CLMN: variants seen among roughly 807,000 people sequenced by gnomAD.
CLMN encodes calmin.
A neutral mutation model predicts 92.7 loss-of-function variants in CLMN; 57 were observed. The ratio of observed to expected loss-of-function variants is 0.61; its 90% CI spans 0.50 to 0.77. CLMN has a LOEUF of 0.77. Among genes scored for constraint, CLMN ranks in the 30% least tolerant of loss-of-function variants. The pLI is 0.00. For missense variants in CLMN, 1,158 were observed against 1,237.5 expected (o/e 0.94, Z 0.96); for synonymous variants, 466 against 470.6 (o/e 0.99, Z 0.13).
chr14:95,261,948 G>A (rs2140702845), intron 1 of CLMN, among the ~76,000 whole-genome samples: 1 of 152,348 alleles, frequency 6.6e-6, no homozygotes, highest in Non-Finnish European at 1.5e-5. Flanking sequence ...CCAGATGCCT[G>A]TCCTGGAAAT....
rs140238420 is a variant in CLMN at position 95,308,087 on chromosome 14, A to C, written c.82+11624T>G. 2.3e-3 allele frequency among the ~76,000 whole-genome samples: 355 copies of C among 152,368 alleles called. 1 individual carries two copies. Among genetic ancestry groups the C allele is most frequent in the Middle Eastern group, 0.014 (4 of 294 alleles). ...ATGGCTGCCTCTGCTCACTTCTGCCATCATTCAAGGTTATGAGAATTTCAT... is the reference window on the plus strand; with the variant it reads ...ATGGCTGCCTCTGCTCACTTCTGCCCTCATTCAAGGTTATGAGAATTTCAT... On this transcript the variant is annotated intron_variant, in intron 1 of 12. Coordinates refer to ENST00000298912, the MANE Select transcript of CLMN (RefSeq NM_024734.4).
rs137990452 is a variant in CLMN at position 95,290,772 on chromosome 14, A to G, written c.82+28939T>C. Among the ~76,000 whole-genome samples the G allele has an allele frequency of 2.2e-3, 338 of 152,128 alleles. 1 individual carries two copies. The highest frequency in any genetic ancestry group is 0.011 in the South Asian group (55 of 4,804). On this transcript the variant is annotated intron_variant, in intron 1 of 12. Coordinates refer to ENST00000298912, the MANE Select transcript of CLMN (RefSeq NM_024734.4). ...TACAGCAGCCCTAGGAAACCCACGGACCTCCTTATGGTGCTTTCAGCTCCC... is the reference window on the plus strand; with the variant it reads ...TACAGCAGCCCTAGGAAACCCACGGGCCTCCTTATGGTGCTTTCAGCTCCC...
In CLMN at chr14:95,256,807, G is replaced by C. The variant is rs1011102858; in HGVS notation, c.83-26674C>G. Among the ~76,000 whole-genome samples the C allele has an allele frequency of 6.6e-6, 1 of 152,226 alleles. No individual in the cohort carries two copies. Among genetic ancestry groups the C allele is most frequent in the African/African-American group, 2.4e-5 (1 of 41,468 alleles). On this transcript the variant is annotated intron_variant, in intron 1 of 12. Coordinates refer to ENST00000298912, the MANE Select transcript of CLMN (RefSeq NM_024734.4). The surrounding 1 kb of genome is among the most constrained non-coding windows in gnomAD (Gnocchi z 4.9). ...GGGGAAACTGGGGATGGCAGGAGAAGAGCTGTCAGTGGACAGGGCCACTAA... is the reference window on the plus strand; with the variant it reads ...GGGGAAACTGGGGATGGCAGGAGAACAGCTGTCAGTGGACAGGGCCACTAA...
At chr14:95,278,161 A>C (rs191665098) in intron 1 of CLMN, among the ~76,000 whole-genome samples, 2 of 152,100 alleles carry the variant, frequency 1.3e-5, no homozygotes, top group East Asian at 3.9e-4. Context: ...ACCCATAGTT[A>C]AGTCATAACC....
chr14:95,214,814 C>T lies in CLMN; in HGVS notation c.417+827G>A, dbSNP rs61662092. On this transcript the variant is annotated intron_variant, in intron 5 of 12. Transcript: ENST00000298912. ...CCAGACCTTGTTTGTGCTCATGCTT[C>T]TCTGAAATGCAGGCATTGCGCCAAA... Among the ~76,000 whole-genome samples, 1,280 of 152,040 alleles carry T rather than the reference C, an allele frequency of 8.4e-3. 22 individuals carry two copies. The highest frequency in any genetic ancestry group is 0.029 in the African/African-American group (1,202 of 41,446).
In CLMN at chr14:95,268,816, T is replaced by C. The variant is rs1341963207; in HGVS notation, c.83-38683A>G. On this transcript the variant is annotated intron_variant, in intron 1 of 12. Transcript: ENST00000298912. ...TCTCTTTTTTTTTTTTTTTTTTTTT[T>C]TTTTTTAGACAGAGTCTCACTCTGT... Among the ~76,000 whole-genome samples, 952 of 143,010 alleles carry C rather than the reference T, an allele frequency of 6.7e-3. 13 individuals carry two copies. The highest frequency in any genetic ancestry group is 0.024 in the African/African-American group (906 of 38,008). 93.8% of individuals were successfully genotyped at this position (143,010 alleles called of 152,430 possible). A position where few individuals can be genotyped will look rare whatever the true frequency, so the allele number is the denominator to read the frequency against.
Position 95,190,556 on chromosome 14 carries a change from G to A in CLMN, c.*1008C>T, listed in dbSNP as rs1439058112. 1 of 152,626 alleles carries A rather than the reference G, an allele frequency of 6.6e-6. No homozygotes were observed. The highest frequency in any genetic ancestry group is 1.5e-5 in the Non-Finnish European group (1 of 68,350). 9.5% of individuals were successfully genotyped at this position (152,626 alleles called of 1,614,324 possible). A position where few individuals can be genotyped will look rare whatever the true frequency, so the allele number is the denominator to read the frequency against. ...GGGGCTGAGGAAGACTGGGGGCAGGGGTGCTAGAGATGCCTCTCTTCTTTC... is the reference window on the plus strand; with the variant it reads ...GGGGCTGAGGAAGACTGGGGGCAGGAGTGCTAGAGATGCCTCTCTTCTTTC... On this transcript the variant is annotated 3_prime_UTR_variant, in exon 13 of 13. Coordinates refer to ENST00000298912, the MANE Select transcript of CLMN (RefSeq NM_024734.4).
intron 1 of CLMN, among the ~76,000 whole-genome samples, chr14:95,242,180 C>A (rs1166751888): frequency 6.6e-6 from 1 of 150,972 alleles, no homozygotes; most frequent in East Asian, 1.9e-4. Flanking sequence ...GTGCCTGGGT[C>A]CCATTCTAGA....
At chr14:95,266,357 G>C (rs1233990098) in intron 1 of CLMN, among the ~76,000 whole-genome samples, 1 of 152,140 alleles carries the variant, frequency 6.6e-6, no homozygotes, top group Admixed American at 6.5e-5. Context: ...CAGTAAAGTT[G>C]TAGAATACAA....
At chr14:95,211,660 A>C (rs539223906) in intron 6 of CLMN, among the ~76,000 whole-genome samples, 13 of 149,760 alleles carry the variant, frequency 8.7e-5, no homozygotes, top group Admixed American at 3.4e-4. Flanking sequence ...AAAAAAAAAA[A>C]AAAAAACCAA....
chr14:95,195,464 T>G (rs1446848494), intron 10 of CLMN, among the ~76,000 whole-genome samples: 1 of 152,028 alleles, frequency 6.6e-6, no homozygotes, highest in Non-Finnish European at 1.5e-5. Flanking sequence ...CAGAGGGAGG[T>G]GGAAAGCCAG....
At chr14:95,215,813 CTCTGTGTGTGTGTGTGTGTGTGTG>C in intron 4 of CLMN, 80 bp from the exon 5 acceptor site, 8 of 850,942 alleles carry the variant, frequency 9.4e-6, no homozygotes, top group East Asian at 5.8e-5. Context: ...CTCTCTCTCT[CTCTGTGTGTGTGTGTGTGTGTGTG>C]TGTGTGTGTG....
chr14:95,196,408 T>G, intron 10 of CLMN, 90 bp downstream of exon 10: 1 of 1,290,098 alleles, frequency 7.8e-7, no homozygotes. Flanking sequence ...ATCCCATGCC[T>G]GCACCTCCCA....
chr14:95,235,563 G>A (rs1292163297), intron 1 of CLMN, among the ~76,000 whole-genome samples: 6 of 152,164 alleles, frequency 3.9e-5, no homozygotes, highest in African/African-American at 1.4e-4. Flanking sequence ...AATGACTCGT[G>A]GGCACTGGGC....
At chr14:95,235,992 G>C (rs1288393459) in intron 1 of CLMN, among the ~76,000 whole-genome samples, 1 of 152,234 alleles carries the variant, frequency 6.6e-6, no homozygotes. Flanking sequence ...AGCTGCTGTA[G>C]AGAAGGAGAC....
In CLMN at chr14:95,213,145, T is replaced by C. The variant is rs1012820699; in HGVS notation, c.608+74A>G. The C allele has an allele frequency of 7.3e-6, 11 of 1,502,328 alleles. No individual in the cohort carries two copies. In the South Asian group the frequency reaches 1.2e-4, roughly 16 times the overall value. 93.1% of individuals were successfully genotyped at this position (1,502,328 alleles called of 1,614,324 possible). A position where few individuals can be genotyped will look rare whatever the true frequency, so the allele number is the denominator to read the frequency against. ...CATACATAACTGGCACCTTAATAAA[T>C]ACTAATTCTCCTTTCCTCTGCCTGA... On this transcript the variant is annotated intron_variant, in intron 6 of 12. Transcript: ENST00000298912.
Position 95,199,860 on chromosome 14 carries a change from T to TG in CLMN, c.2511+2977dup, listed in dbSNP as rs371232081. 1.5e-3 allele frequency among the ~76,000 whole-genome samples: 222 copies of TG among 146,388 alleles called. 3 individuals are homozygous for TG. Among genetic ancestry groups the TG allele is most frequent in the African/African-American group, 5.4e-3 (209 of 38,862 alleles). On this transcript the variant is annotated intron_variant, in intron 9 of 12. Coordinates refer to ENST00000298912, the MANE Select transcript of CLMN (RefSeq NM_024734.4). ...AGGAGAGCCTGGATGTCTGGGGGTGTGGGAGGATGCTGGCTTGGCTAGAGG... is the reference window on the plus strand; with the variant it reads ...AGGAGAGCCTGGATGTCTGGGGGTGTGGGGAGGATGCTGGCTTGGCTAGAGG...
rs1453172090 is a variant in CLMN, at chr14:95,184,823, TGAA to T, written c.*6738_*6740del. ...GTAGGACTCTTAAGAAAAATCAGAG[TGAA>T]GGCCAGGCACAGTGGTTCATGCCTA... On this transcript the variant is annotated 3_prime_UTR_variant, in exon 13 of 13. Transcript: ENST00000298912. 6.6e-6 allele frequency: 1 copy of T among 152,250 alleles called. No individual in the cohort carries two copies. The highest frequency in any genetic ancestry group is 1.9e-4 in the East Asian group (1 of 5,184). 9.4% of individuals were successfully genotyped at this position (152,250 alleles called of 1,614,324 possible).
chr14:95,196,766 AGT>A (rs1441515518), intron 9 of CLMN, 72 bp from the exon 10 acceptor site: 2 of 1,480,606 alleles, frequency 1.4e-6, no homozygotes, highest in Non-Finnish European at 9.2e-7. Context: ...ATCACCCAGC[AGT>A]GCTCTGCCCA....
Sources: gnomAD v4.1 joint callset for allele counts (sites outside exome capture counted in the v4.1 genomes callset) on GRCh38, gnomAD v4.1.1 for gene constraint, Gnocchi (gnomAD v3.1) non-coding constraint, MANE v1.5 for transcripts, NCBI Gene and HGNC (gene_info 2026-07-23, HGNC 2026-07-21) for gene names.